Variants in LRRC8B observed in about 807,000 individuals in gnomAD.
LRRC8B encodes the protein leucine rich repeat containing 8 VRAC subunit B.
Under a neutral mutation model 58.8 loss-of-function variants are expected in LRRC8B, and 23 were observed. The observed-to-expected ratio is 0.39, with a 90% CI of 0.28 to 0.55. The LOEUF (loss-of-function observed/expected upper bound fraction) is 0.55. Among genes scored for constraint, LRRC8B ranks in the 20% least tolerant of loss-of-function variants. The pLI is 0.62. For synonymous variants in LRRC8B, 359 were observed against 374.1 expected, an observed-to-expected ratio of 0.96 and a Z score of 0.47; for missense variants, 694 against 936.0, an observed-to-expected ratio of 0.74 and a Z score of 3.37.
intron 1 of LRRC8B, among the ~76,000 whole-genome samples, chr1:89,542,175 C>T (rs779375662): frequency 2.0e-5 from 3 of 152,146 alleles, no homozygotes; most frequent in Non-Finnish European, 4.4e-5. Context: ...TTATTTATTT[C>T]TGCACCTACC....
chr1:89,526,488 T>C lies in LRRC8B; in HGVS notation c.-241+1466T>C, dbSNP rs566809185. Among the ~76,000 whole-genome samples the C allele has an allele frequency of 5.9e-5, 9 of 152,334 alleles. No individual in the cohort carries two copies. The East Asian group carries it at 1.3e-3, about 23-fold the overall frequency. ...CCTCGGCCTCCCAAAGTGCTGGGAT[T>C]ACAGGTGTGACCCCAAATGCTCTCT... On this transcript the variant is annotated intron_variant, in intron 1 of 5. Coordinates refer to ENST00000330947, the MANE Select transcript of LRRC8B (RefSeq NM_001369817.2).
In LRRC8B at chr1:89,564,479, TG is replaced by T. The variant is rs1652898892; in HGVS notation, c.-240-3765del. On this transcript the variant is annotated intron_variant, in intron 1 of 5. Transcript: ENST00000330947. The stretch of plus-strand genomic sequence containing the variant: ...TCTTAGTCAGCTCTGTTGTGAATGC[TG>T]GGTCTGCTTATGAACTTGAGCAAGT... Among the ~76,000 whole-genome samples, 3 of 152,352 alleles carry T rather than the reference TG, an allele frequency of 2.0e-5. No individual in the cohort carries two copies. In the South Asian group the frequency reaches 6.2e-4, roughly 32 times the overall value.
In LRRC8B at chr1:89,594,520, CTT is replaced by C. The variant is rs1230720346; in HGVS notation, c.*1483_*1484del. 11 of 152,034 alleles carry C rather than the reference CTT, an allele frequency of 7.2e-5. No homozygotes were observed. Among genetic ancestry groups the C allele is most frequent in the Admixed American group, 6.6e-4 (10 of 15,262 alleles). 9.4% of individuals were successfully genotyped at this position (152,034 alleles called of 1,614,324 possible). On this transcript the variant is annotated 3_prime_UTR_variant, in exon 6 of 6. Coordinates refer to ENST00000330947, the MANE Select transcript of LRRC8B (RefSeq NM_001369817.2). The stretch of plus-strand genomic sequence containing the variant: ...ATTTAGTAAGAGTTAAAGCAAAAGA[CTT>C]TTTTTCCCTCCATCTATGTAATCTC...
Position 89,583,601 on chromosome 1 carries a change from A to G in LRRC8B, c.951A>G (p.Ser317=), listed in dbSNP as rs141152373. 1,162 of 1,611,638 alleles carry G rather than the reference A, an allele frequency of 7.2e-4. No individual in the cohort carries two copies. The highest frequency in any genetic ancestry group is 9.2e-4 in the Non-Finnish European group (1,083 of 1,180,008). Residue 317 remains serine (S), a synonymous_variant, in exon 5 of 6, where the codon TCA becomes TCG. Transcript: ENST00000330947. The surrounding 1 kb of genome is among the most constrained non-coding windows in gnomAD (Gnocchi z 5.2). Reference sequence around the variant, plus strand: ...CAGAAATCTTTAAGGTCCTGGCTTCATTTTATGTCATTTTGGTTATACTTT... The same window carrying G: ...CAGAAATCTTTAAGGTCCTGGCTTCGTTTTATGTCATTTTGGTTATACTTT... ...SLAEIFKVLA[S]FYVILVILYG...
chr1:89,561,629 A>G (rs1335925248), intron 1 of LRRC8B, among the ~76,000 whole-genome samples: 1 of 106,552 alleles, frequency 9.4e-6, no homozygotes, highest in Non-Finnish European at 1.9e-5. Context: ...TCCCAGCACC[A>G]TTTATTAAAT....
At chr1:89,556,100 A>G (rs1294428198) in intron 1 of LRRC8B, among the ~76,000 whole-genome samples, 1 of 152,176 alleles carries the variant, frequency 6.6e-6, no homozygotes, top group African/African-American at 2.4e-5. Flanking sequence ...ACTTCTGGAA[A>G]GGGGAGAGGG....
intron 1 of LRRC8B, among the ~76,000 whole-genome samples, chr1:89,534,741 A>C (rs542302609): frequency 2.2e-4 from 34 of 152,342 alleles, no homozygotes; most frequent in African/African-American, 8.2e-4. Flanking sequence ...AAGTCAGTAT[A>C]ATTCCATTCT....
intron 1 of LRRC8B, among the ~76,000 whole-genome samples, chr1:89,559,621 T>A (rs1411540549): frequency 4.4e-4 from 57 of 130,872 alleles, no homozygotes; most frequent in East Asian, 2.8e-3. Context: ...AAAAAATATA[T>A]ATATATATAC....
At chr1:89,536,702 T>C (rs1650564705) in intron 1 of LRRC8B, among the ~76,000 whole-genome samples, 1 of 152,120 alleles carries the variant, frequency 6.6e-6, no homozygotes. Flanking sequence ...ATGGTTCTTG[T>C]TGGGGATTAG....
In LRRC8B at chr1:89,592,859, A is replaced by G; in HGVS notation, c.2228A>G (p.His743Arg). The change falls in exon 6 of 6, where the codon CAT (histidine) becomes CGT (arginine). Residue 743 changes from histidine to arginine, a missense_variant. Physicochemically the swap from His to Arg is conservative, Grantham distance 29. Transcript: ENST00000330947. ...GKNSLMNLSP[H>R]VGELSNLTHL... ...AATAGCTTGATGAATTTGTCCCCTCATGTGGGTGAGCTGTCAAACCTTACT... is the reference window on the plus strand; with the variant it reads ...AATAGCTTGATGAATTTGTCCCCTCGTGTGGGTGAGCTGTCAAACCTTACT... The G allele has an allele frequency of 6.2e-7, 1 of 1,614,060 alleles. No individual in the cohort carries two copies. The highest frequency in any genetic ancestry group is 1.7e-5 in the Admixed American group (1 of 60,020).
chr1:89,579,948 C>A (rs1185008696), intron 4 of LRRC8B, among the ~76,000 whole-genome samples: 1 of 152,204 alleles, frequency 6.6e-6, no homozygotes, highest in Non-Finnish European at 1.5e-5. Context: ...AATTCCTTTG[C>A]AACTCTCCTG....
chr1:89,566,723 CAAGA>C (rs1320291950), intron 1 of LRRC8B, among the ~76,000 whole-genome samples: 4 of 152,222 alleles, frequency 2.6e-5, no homozygotes, highest in African/African-American at 9.6e-5. Flanking sequence ...TCTCTCCTGA[CAAGA>C]AAGAAACAAG....
chr1:89,532,689 T>G (rs922444019), intron 1 of LRRC8B, among the ~76,000 whole-genome samples: 1 of 152,194 alleles, frequency 6.6e-6, no homozygotes, highest in Admixed American at 6.5e-5. Context: ...TTTAAACCTC[T>G]TTCCTTTATA....
At chr1:89,543,710 G>T (rs1032994387) in intron 1 of LRRC8B, among the ~76,000 whole-genome samples, 3 of 151,442 alleles carry the variant, frequency 2.0e-5, no homozygotes, top group Non-Finnish European at 4.4e-5. Context: ...TGGTCAGGCT[G>T]GTCTCAAACT....
rs116042160 is a variant in LRRC8B, at chr1:89,524,974, C to A, written c.-289C>A. The A allele has an allele frequency of 0.055, 8,367 of 152,236 alleles. 275 individuals carry two copies. Among genetic ancestry groups the A allele is most frequent in the African/African-American group, 0.085 (3,518 of 41,552 alleles). The allele number at this position is 152,236 out of a possible 1,614,324, so 9.4% of individuals were successfully genotyped here. ...CGCAGCCTGCCCGCCCGGAGCGGCC[C>A]AGGAGCACGCCGCGGGGAGCGCGGG... On this transcript the variant is annotated 5_prime_UTR_variant, in exon 1 of 6. Transcript: ENST00000330947.
intron 3 of LRRC8B, among the ~76,000 whole-genome samples, chr1:89,570,033 C>G (rs891149153): frequency 6.6e-6 from 1 of 152,104 alleles, no homozygotes; most frequent in Non-Finnish European, 1.5e-5. Flanking sequence ...CATCCATGTC[C>G]CTTCAAAGGA....
intron 1 of LRRC8B, among the ~76,000 whole-genome samples, chr1:89,536,762 G>A (rs527549814): frequency 4.7e-4 from 71 of 152,150 alleles, no homozygotes; most frequent in Non-Finnish European, 9.6e-4. Flanking sequence ...TTTTGATACC[G>A]AGTATGATGC....
At chr1:89,555,124 C>T (rs1294297083) in intron 1 of LRRC8B, among the ~76,000 whole-genome samples, 1 of 152,102 alleles carries the variant, frequency 6.6e-6, no homozygotes, top group African/African-American at 2.4e-5. Flanking sequence ...TTATGAAGCC[C>T]GAAGCCAGCC....
chr1:89,539,931 GTTT>G (rs1403190647), intron 1 of LRRC8B, among the ~76,000 whole-genome samples: 33 of 152,128 alleles, frequency 2.2e-4, no homozygotes, highest in Admixed American at 7.2e-4. Flanking sequence ...TTTTGTGCTT[GTTT>G]TAGAATTATA....
Sources: allele counts gnomAD v4.1 joint callset (sites outside exome capture counted in the v4.1 genomes callset), GRCh38; gene constraint gnomAD v4.1.1; non-coding constraint Gnocchi (gnomAD v3.1); transcripts MANE v1.5; gene names NCBI Gene and HGNC (gene_info 2026-07-23, HGNC 2026-07-21).